The following MARCHF1 variants were observed in gnomAD, a reference collection of about 807,000 sequenced individuals.
The protein encoded by MARCHF1 is E3 ubiquitin-protein ligase MARCHF1.
Under a neutral mutation model 54.2 loss-of-function variants are expected in MARCHF1, and 40 were observed. The observed-to-expected ratio is 0.74, with a 90% confidence interval of 0.57 to 0.96. MARCHF1 has a LOEUF of 0.96. Among genes scored for constraint, MARCHF1 ranks in the 40% least tolerant of loss-of-function variants. The pLI, the probability that MARCHF1 is intolerant of heterozygous loss-of-function variation, is 0.00. For missense variants in MARCHF1, 586 were observed against 656.5 expected, an observed-to-expected ratio of 0.89 and a Z score of 1.17; for synonymous variants, 236 against 236.3, an observed-to-expected ratio of 1.00 and a Z score of 0.01.
intron 2 of MARCHF1, among the ~76,000 whole-genome samples, chr4:164,050,880 C>T (rs750157275): frequency 1.2e-4 from 19 of 152,076 alleles, no homozygotes; most frequent in Admixed American, 9.8e-4. Flanking sequence ...TTGCGGTGAG[C>T]CGAGATTGTG....
At chr4:163,831,321 C>T (rs758027355) in intron 4 of MARCHF1, among the ~76,000 whole-genome samples, 9 of 152,166 alleles carry the variant, frequency 5.9e-5, no homozygotes, top group African/African-American at 9.7e-5. Flanking sequence ...CAGTGGCTGA[C>T]GCCTATAATC....
intron 1 of MARCHF1, among the ~76,000 whole-genome samples, chr4:164,304,858 G>C (rs1205092802): frequency 6.6e-6 from 1 of 152,076 alleles, no homozygotes; most frequent in Non-Finnish European, 1.5e-5. Flanking sequence ...TGTTTGTTTG[G>C]TCTTATTTTG....
intron 4 of MARCHF1, among the ~76,000 whole-genome samples, chr4:163,706,358 A>G (rs1739144609): frequency 6.6e-6 from 1 of 152,094 alleles, no homozygotes; most frequent in Non-Finnish European, 1.5e-5. Context: ...TACATACTCT[A>G]AACTCTCATC....
At chr4:163,597,227 G>A (rs536098934) in intron 7 of MARCHF1, among the ~76,000 whole-genome samples, 10 of 152,200 alleles carry the variant, frequency 6.6e-5, no homozygotes, top group Admixed American at 3.3e-4. Context: ...CAAAGTGCTG[G>A]TATTAGAGGC....
At chr4:164,361,272 T>C (rs1578899528) in intron 1 of MARCHF1, among the ~76,000 whole-genome samples, 1 of 152,234 alleles carries the variant, frequency 6.6e-6, no homozygotes, top group South Asian at 2.1e-4. Context: ...TATCAAACTT[T>C]TATATTAATT....
intron 2 of MARCHF1, among the ~76,000 whole-genome samples, chr4:164,018,877 A>G (rs189085286): frequency 6.6e-5 from 10 of 152,324 alleles, no homozygotes; most frequent in Admixed American, 1.3e-4. Flanking sequence ...TTATTTCACA[A>G]CAATCATCTA....
chr4:164,350,403 A>T (rs1427969733), intron 1 of MARCHF1, among the ~76,000 whole-genome samples: 1 of 152,188 alleles, frequency 6.6e-6, no homozygotes, highest in Non-Finnish European at 1.5e-5. Flanking sequence ...AGAAAATCAC[A>T]GCTAGATAAG....
intron 4 of MARCHF1, among the ~76,000 whole-genome samples, chr4:163,753,438 TTC>T (rs1170258722): frequency 2.0e-5 from 3 of 152,188 alleles, no homozygotes; most frequent in Non-Finnish European, 2.9e-5. Flanking sequence ...GTGCTATTTA[TTC>T]TCTCTTTTTT....
At chr4:164,337,283 G>A (rs910526911) in intron 1 of MARCHF1, among the ~76,000 whole-genome samples, 13 of 152,140 alleles carry the variant, frequency 8.5e-5, no homozygotes, top group Non-Finnish European at 4.4e-5. Flanking sequence ...CCACCAGACT[G>A]TTGGATCACA....
chr4:164,337,934 C>A (rs1158357497), intron 1 of MARCHF1, among the ~76,000 whole-genome samples: 1 of 152,178 alleles, frequency 6.6e-6, no homozygotes, highest in East Asian at 1.9e-4. Flanking sequence ...GCACAAGAGG[C>A]ACTTTCATAG....
rs112180583 is a variant in MARCHF1 at position 164,274,552 on chromosome 4, T to C, written c.-323+109318A>G. Among the ~76,000 whole-genome samples the C allele has an allele frequency of 9.0e-3, 1,362 of 152,126 alleles. 22 individuals carry two copies. The highest frequency in any genetic ancestry group is 0.012 in the Non-Finnish European group (828 of 67,982). ...ATTTCCAAATTCCCCAGTGTTCATA[T>C]TTGTCAGTGCAAGTAAAGAGACTTA... is the stretch of plus-strand genomic sequence containing the variant. On this transcript the variant is annotated intron_variant, in intron 1 of 9. Transcript: ENST00000514618.
intron 4 of MARCHF1, among the ~76,000 whole-genome samples, chr4:163,798,093 A>T (rs572934862): frequency 1.3e-5 from 2 of 152,200 alleles, no homozygotes; most frequent in African/African-American, 4.8e-5. Flanking sequence ...CTAATCACCA[A>T]TGTGGCTTAT....
chr4:163,564,338 T>C (rs1739569551), intron 8 of MARCHF1, among the ~76,000 whole-genome samples: 1 of 152,206 alleles, frequency 6.6e-6, no homozygotes, highest in African/African-American at 2.4e-5. Flanking sequence ...ATAATGGATA[T>C]GATAATTTGC....
chr4:164,314,219 T>C (rs1263599715), intron 1 of MARCHF1, among the ~76,000 whole-genome samples: 2 of 152,244 alleles, frequency 1.3e-5, no homozygotes, highest in Non-Finnish European at 2.9e-5. Flanking sequence ...CTATATTTAA[T>C]TACTCAAGTT....
At chr4:164,198,960 T>C (rs1180446886) in intron 1 of MARCHF1, among the ~76,000 whole-genome samples, 1 of 152,214 alleles carries the variant, frequency 6.6e-6, no homozygotes, top group African/African-American at 2.4e-5. Flanking sequence ...CTGAAATCTT[T>C]ACTATAGGAT....
At chr4:163,797,486 G>A (rs1411805148) in intron 4 of MARCHF1, among the ~76,000 whole-genome samples, 1 of 151,846 alleles carries the variant, frequency 6.6e-6, no homozygotes, top group Non-Finnish European at 1.5e-5. Context: ...CTTTCTCTCT[G>A]TTATTTCCTT....
At chr4:163,925,390 C>A (rs1751515588) in intron 3 of MARCHF1, among the ~76,000 whole-genome samples, 1 of 151,698 alleles carries the variant, frequency 6.6e-6, no homozygotes, top group Admixed American at 6.6e-5. Context: ...ACTATGTACT[C>A]CCAAGTGGAA....
At chr4:164,331,861 G>T (rs189440669) in intron 1 of MARCHF1, among the ~76,000 whole-genome samples, 74 of 152,140 alleles carry the variant, frequency 4.9e-4, no homozygotes, top group African/African-American at 1.8e-3. Flanking sequence ...CAATAACAGA[G>T]AAGAAAATAA....
intron 3 of MARCHF1, among the ~76,000 whole-genome samples, chr4:163,919,647 A>G (rs1001263080): frequency 1.3e-5 from 2 of 152,054 alleles, no homozygotes; most frequent in Admixed American, 1.3e-4. Context: ...ACACCCAATT[A>G]TGTAGCTCAC....
Sources: gnomAD v4.1 joint callset for allele counts (sites outside exome capture counted in the v4.1 genomes callset) on GRCh38, gnomAD v4.1.1 for gene constraint, MANE v1.5 for transcripts, NCBI Gene and HGNC (gene_info 2026-07-23, HGNC 2026-07-21) for gene names.